Variants in PRDM4 observed in about 807,000 individuals in gnomAD.
PRDM4 encodes PR domain zinc finger protein 4.
In PRDM4, 38 loss-of-function variants were observed where a neutral mutation model predicts 62.3. That is an observed-to-expected ratio of 0.61 (90% CI 0.47 to 0.80). The LOEUF (loss-of-function observed/expected upper bound fraction) is 0.80, where lower values mean the gene tolerates loss of function less well. PRDM4 is among the 30% of genes least tolerant of loss of function. PRDM4 has a pLI of 0.00. For missense variants in PRDM4, 858 were observed against 997.1 expected (o/e 0.86, Z 1.88); for synonymous variants, 339 against 348.2 (o/e 0.97, Z 0.30).
chr12:107,748,216 T>G (rs867539079), intron 5 of PRDM4, among the ~76,000 whole-genome samples: 1 of 152,000 alleles, frequency 6.6e-6, no homozygotes, highest in South Asian at 2.1e-4. Flanking sequence ...AAATAAAAAA[T>G]TAACTGTTGG....
At position 107,754,108 on chromosome 12, in the gene PRDM4, G is replaced by A. The variant is rs1041764896; in HGVS notation, c.147C>T (p.Gly49=). 4 of 1,580,572 alleles carry A rather than the reference G, an allele frequency of 2.5e-6. No individual in the cohort carries two copies. The highest frequency in any genetic ancestry group is 1.4e-5 in the African/African-American group (1 of 73,300). ...CCAGGTTTGGAATTGCCACTGGGAG[G>A]CCTACAAAACAAAATTTTTTTTCTC... The part of the protein sequence containing the change: ...SPTHSAIPAP[G]LPVAIPNLGP... The change falls in exon 4 of 12, where the codon GGC becomes GGT. Residue 49 remains glycine, a splice_region_variant and synonymous_variant. Coordinates refer to ENST00000228437, the MANE Select transcript of PRDM4 (RefSeq NM_012406.4).
Position 107,760,608 on chromosome 12 carries a change from TGCTCACAACC to T in PRDM4, c.-103_-94del, listed in dbSNP as rs1891214438. The T allele has an allele frequency of 1.3e-6, 2 of 1,512,132 alleles. No individual in the cohort carries two copies. The highest frequency in any genetic ancestry group is 1.8e-6 in the Non-Finnish European group (2 of 1,107,054). The allele number at this position is 1,512,132 out of a possible 1,614,324, so 93.7% of individuals were successfully genotyped here. A position where few individuals can be genotyped will look rare whatever the true frequency, so the allele number is the denominator to read the frequency against. On this transcript the variant is annotated 5_prime_UTR_variant, in exon 2 of 12. The change abolishes the stop of an existing upstream ORF in the 5' untranslated region. Transcript: ENST00000228437. Reference sequence around the variant, plus strand: ...TCCAGGGTCACGTGCTACCACATCTTGCTCACAACCGCTGCACCGACGCGGCCACTCGTCC... The same window carrying T: ...TCCAGGGTCACGTGCTACCACATCTTGCTGCACCGACGCGGCCACTCGTCC...
intron 10 of PRDM4, 66 bp downstream of exon 10, chr12:107,740,880 A>G (rs1408553935): frequency 1.3e-6 from 2 of 1,491,128 alleles, no homozygotes; most frequent in Non-Finnish European, 1.8e-6. Flanking sequence ...TCCCTCTACA[A>G]AGCCTTTACT....
At chr12:107,739,743 C>G (rs138804755) in intron 10 of PRDM4, 192 bp from the exon 11 acceptor site, 1 of 465,388 alleles carries the variant, frequency 2.1e-6, no homozygotes, top group East Asian at 3.3e-5. Flanking sequence ...GCAACTAAAG[C>G]TAGTAAATTA....
At chr12:107,757,496 T>A (rs975971576) in intron 2 of PRDM4, among the ~76,000 whole-genome samples, 4 of 152,186 alleles carry the variant, frequency 2.6e-5, no homozygotes, top group Non-Finnish European at 5.9e-5. Flanking sequence ...AGATTCTGTA[T>A]CAGTATATTA....
intron 5 of PRDM4, among the ~76,000 whole-genome samples, chr12:107,747,692 G>T (rs1192735694): frequency 6.6e-6 from 1 of 151,994 alleles, no homozygotes; most frequent in Non-Finnish European, 1.5e-5. Context: ...CTCTGCTAAG[G>T]AACAGTATTT....
intron 7 of PRDM4, among the ~76,000 whole-genome samples, chr12:107,743,837 AG>A (rs1303015805): frequency 1.3e-5 from 2 of 152,208 alleles, no homozygotes; most frequent in Non-Finnish European, 2.9e-5. Context: ...AAAATAGGCC[AG>A]GTGCGGTGGC....
intron 2 of PRDM4, among the ~76,000 whole-genome samples, chr12:107,758,988 G>A (rs1231265390): frequency 1.3e-5 from 2 of 152,218 alleles, no homozygotes; most frequent in African/African-American, 2.4e-5. Flanking sequence ...AAATAAAGCA[G>A]CCCAGGTGTG....
intron 11 of PRDM4, chr12:107,739,036 C>G (rs111973581): frequency 7.4e-5 from 14 of 190,126 alleles, no homozygotes; most frequent in Middle Eastern, 2.2e-3. Flanking sequence ...GCTGCTGACT[C>G]TTACTCTTCT....
rs770957276 is a variant in PRDM4 at position 107,733,590 on chromosome 12, A to C, written c.*620T>G. ...TCTCTCCATCACTGACTACTGACTG[A>C]CTGCTGCTTTTTTATTTGCCCTCCA... is the stretch of plus-strand genomic sequence containing the variant. On this transcript the variant is annotated 3_prime_UTR_variant, in exon 12 of 12. Coordinates refer to ENST00000228437, the MANE Select transcript of PRDM4 (RefSeq NM_012406.4). The C allele has an allele frequency of 2.0e-5, 3 of 152,502 alleles. No homozygotes were observed. The highest frequency in any genetic ancestry group is 4.4e-5 in the Non-Finnish European group (3 of 68,288). The allele number at this position is 152,502 out of a possible 1,614,324, so 9.4% of individuals were successfully genotyped here. A position where few individuals can be genotyped will look rare whatever the true frequency, so the allele number is the denominator to read the frequency against.
chr12:107,749,785 TACCCCA>T (rs373154358), intron 5 of PRDM4, among the ~76,000 whole-genome samples: 170 of 152,298 alleles, frequency 1.1e-3, no homozygotes, highest in Middle Eastern at 3.4e-3. Flanking sequence ...AGCAAAGCCC[TACCCCA>T]ACCCTCACTC....
intron 11 of PRDM4, among the ~76,000 whole-genome samples, chr12:107,738,921 A>G (rs973511606): frequency 6.6e-6 from 1 of 150,928 alleles, no homozygotes; most frequent in Non-Finnish European, 1.5e-5. Context: ...ACACCAACAG[A>G]ACAGTTCCAA....
chr12:107,753,653 T>C (rs1214314599), intron 4 of PRDM4, among the ~76,000 whole-genome samples: 2 of 152,124 alleles, frequency 1.3e-5, no homozygotes, highest in African/African-American at 4.8e-5. Flanking sequence ...TGTAGAATTA[T>C]AAACACCAAA....
At chr12:107,745,894 C>T (rs1890685509) in intron 6 of PRDM4, among the ~76,000 whole-genome samples, 1 of 152,184 alleles carries the variant, frequency 6.6e-6, no homozygotes, top group African/African-American at 2.4e-5. Context: ...AATTTACAAA[C>T]ATTTGATCTA....
chr12:107,742,129 T>G (rs1355424455), intron 9 of PRDM4, 92 bp downstream of exon 9: 1 of 1,356,606 alleles, frequency 7.4e-7, no homozygotes, highest in East Asian at 2.4e-5. Context: ...TATGATTTGC[T>G]TCAGCTAACA....
intron 10 of PRDM4, among the ~76,000 whole-genome samples, chr12:107,740,133 G>A (rs549507657): frequency 1.2e-3 from 184 of 152,206 alleles, no homozygotes; most frequent in African/African-American, 3.8e-3. Context: ...TTGAAGATCT[G>A]GAGAAAAGAT....
chr12:107,735,292 T>C (rs1244996037), intron 11 of PRDM4, among the ~76,000 whole-genome samples: 1 of 152,222 alleles, frequency 6.6e-6, no homozygotes, highest in African/African-American at 2.4e-5. Flanking sequence ...GACAAACGGT[T>C]TTCCAATGTA....
At chr12:107,757,454 T>C (rs1350001971) in intron 2 of PRDM4, among the ~76,000 whole-genome samples, 1 of 152,202 alleles carries the variant, frequency 6.6e-6, no homozygotes, top group Admixed American at 6.5e-5. Context: ...GTGAAAAGCA[T>C]CGTATTTTCC....
chr12:107,746,160 C>G (rs2136319934), intron 6 of PRDM4, 115 bp downstream of exon 6: 1 of 1,254,978 alleles, frequency 8.0e-7, no homozygotes, highest in East Asian at 2.4e-5. Flanking sequence ...AAATCTTAAG[C>G]CATAAATTGA....
Sources: gnomAD v4.1 joint callset for allele counts (sites outside exome capture counted in the v4.1 genomes callset) on GRCh38, gnomAD v4.1.1 for gene constraint, MANE v1.5 for transcripts, NCBI Gene and HGNC (gene_info 2026-07-23, HGNC 2026-07-21) for gene names.